PTPRD: variants seen among roughly 807,000 people sequenced by gnomAD.
The protein encoded by PTPRD is receptor-type tyrosine-protein phosphatase delta.
PTPRD carries 34 observed loss-of-function variants against 214.5 expected under a neutral mutation model. That is an observed-to-expected ratio of 0.16 (90% confidence interval 0.12 to 0.21). The LOEUF is 0.21. Ranked by LOEUF, PTPRD falls within the 10% of genes least tolerant of loss-of-function variation. PTPRD has a pLI of 1.00. For synonymous variants in PTPRD, 1,128 were observed against 845.7 expected, an observed-to-expected ratio of 1.33 and a Z score of -5.79; for missense variants, 2,545 against 2,398.7, an observed-to-expected ratio of 1.06 and a Z score of -1.27.
At chr9:10,113,150 A>T (rs2098705253) in intron 3 of PTPRD, among the ~76,000 whole-genome samples, 1 of 152,226 alleles carries the variant, frequency 6.6e-6, no homozygotes, top group Non-Finnish European at 1.5e-5. Flanking sequence ...TATAAAAATC[A>T]TGGGCTCATT....
intron 7 of PTPRD, among the ~76,000 whole-genome samples, chr9:9,596,570 C>T (rs1592564450): frequency 1.3e-5 from 2 of 151,884 alleles, no homozygotes; most frequent in South Asian, 4.1e-4. Context: ...CTAAGACTAG[C>T]AAAATCTACA....
At chr9:9,203,389 G>T (rs11792040) in intron 9 of PTPRD, among the ~76,000 whole-genome samples, 2 of 152,078 alleles carry the variant, frequency 1.3e-5, no homozygotes, top group Admixed American at 1.3e-4. Flanking sequence ...CCATTGAATT[G>T]CATGTTTTTG....
chr9:10,289,023 GT>G (rs5896383), intron 3 of PTPRD, among the ~76,000 whole-genome samples: 38,675 of 145,804 alleles, frequency 0.27, 5,888 homozygotes, highest in African/African-American at 0.44. Flanking sequence ...AAGATGGAGA[GT>G]TTTTTTTTTT....
At chr9:9,898,577 A>C (rs10759095) in intron 5 of PTPRD, among the ~76,000 whole-genome samples, 87,756 of 151,954 alleles carry the variant, frequency 0.58, 28,099 homozygotes, top group Admixed American at 0.71. Flanking sequence ...AGGAATCCTT[A>C]GAGGTTAGAG....
chr9:10,576,173 C>A (rs983780715), intron 2 of PTPRD, among the ~76,000 whole-genome samples: 1 of 152,076 alleles, frequency 6.6e-6, no homozygotes, highest in Admixed American at 6.6e-5. Context: ...TGCCTAAAGG[C>A]TATCAGTAAA....
At chr9:8,662,769 A>G (rs1209737632) in intron 12 of PTPRD, among the ~76,000 whole-genome samples, 1 of 152,204 alleles carries the variant, frequency 6.6e-6, no homozygotes, top group Admixed American at 6.5e-5. Context: ...ATCCCGTACT[A>G]AAATGGATAT....
chr9:8,613,267 T>C (rs2095510039), intron 14 of PTPRD, among the ~76,000 whole-genome samples: 1 of 152,008 alleles, frequency 6.6e-6, no homozygotes, highest in Non-Finnish European at 1.5e-5. Flanking sequence ...AAAAGAGAAA[T>C]GGCATTCTTT....
intron 10 of PTPRD, among the ~76,000 whole-genome samples, chr9:9,023,907 C>A (rs920180069): frequency 2.0e-5 from 3 of 151,856 alleles, no homozygotes; most frequent in Non-Finnish European, 4.4e-5. Context: ...TGTGATATTG[C>A]ACAGCTTTCT....
intron 33 of PTPRD, among the ~76,000 whole-genome samples, chr9:8,453,485 T>A (rs2096052679): frequency 6.6e-6 from 1 of 152,192 alleles, no homozygotes; most frequent in African/African-American, 2.4e-5. Flanking sequence ...GTATTTTAAG[T>A]GAGTTTAAAG....
At chr9:8,790,768 G>GA (rs34252968) in intron 11 of PTPRD, among the ~76,000 whole-genome samples, 53,002 of 146,110 alleles carry the variant, frequency 0.36, 11,014 homozygotes, top group Middle Eastern at 0.51. Context: ...GTAGGGAAAG[G>GA]AAAAAAAAAA....
At chr9:10,407,029 A>G (rs1181960247) in intron 2 of PTPRD, among the ~76,000 whole-genome samples, 2 of 151,630 alleles carry the variant, frequency 1.3e-5, no homozygotes, top group East Asian at 3.9e-4. Flanking sequence ...AATTTCCTAT[A>G]GTATTTTCTT....
At chr9:9,687,294 T>C (rs924328618) in intron 7 of PTPRD, among the ~76,000 whole-genome samples, 6 of 151,812 alleles carry the variant, frequency 4.0e-5, no homozygotes, top group Admixed American at 6.6e-5. Context: ...CAGGATCTAC[T>C]AAAATAAACC....
At chr9:10,056,192 G>A (rs1368484153) in intron 3 of PTPRD, among the ~76,000 whole-genome samples, 2 of 151,864 alleles carry the variant, frequency 1.3e-5, no homozygotes, top group African/African-American at 2.4e-5. Flanking sequence ...ATGGTGGCAT[G>A]TGCCTGTTAT....
At chr9:10,131,581 G>C (rs10958907) in intron 3 of PTPRD, among the ~76,000 whole-genome samples, 19,086 of 152,150 alleles carry the variant, frequency 0.13, 1,316 homozygotes, top group South Asian at 0.27. Context: ...AATACTTAGA[G>C]TGCCATTATG....
intron 5 of PTPRD, among the ~76,000 whole-genome samples, chr9:9,854,377 C>T (rs2061135534): frequency 6.6e-6 from 1 of 151,962 alleles, no homozygotes; most frequent in African/African-American, 2.4e-5. Context: ...AGGAAAAAAG[C>T]ATTGGGAATT....
intron 2 of PTPRD, among the ~76,000 whole-genome samples, chr9:10,462,734 TAA>T (rs58409105): frequency 2.8e-5 from 4 of 142,220 alleles, no homozygotes; most frequent in African/African-American, 1.0e-4. Context: ...AGGATATAAG[TAA>T]AAAAAAAAAA....
chr9:9,951,036 G>C (rs2093407521), intron 4 of PTPRD, among the ~76,000 whole-genome samples: 1 of 152,146 alleles, frequency 6.6e-6, no homozygotes. Context: ...TCTGGTAGTA[G>C]CTGAGGTGAT....
chr9:10,489,118 G>A (rs995326786), intron 2 of PTPRD, among the ~76,000 whole-genome samples: 1 of 152,028 alleles, frequency 6.6e-6, no homozygotes, highest in African/African-American at 2.4e-5. Context: ...CCTTAACATA[G>A]TACTAAGTAT....
At chr9:9,609,480 T>G (rs2094394471) in intron 7 of PTPRD, among the ~76,000 whole-genome samples, 1 of 152,232 alleles carries the variant, frequency 6.6e-6, no homozygotes, top group African/African-American at 2.4e-5. Flanking sequence ...TGTTTGTTTT[T>G]GGGACAGAGT....
Sources: gnomAD v4.1 joint callset for allele counts (sites outside exome capture counted in the v4.1 genomes callset) on GRCh38, gnomAD v4.1.1 for gene constraint, MANE v1.5 for transcripts, NCBI Gene and HGNC (gene_info 2026-07-23, HGNC 2026-07-21) for gene names.